Variants in COL5A1 observed in about 807,000 individuals in gnomAD.
The protein encoded by COL5A1 is collagen type V alpha 1 chain.
COL5A1 carries 16 observed loss-of-function variants against 263.7 expected under a neutral mutation model. The ratio of observed to expected loss-of-function variants is 0.06; its 90% CI spans 0.04 to 0.09. The LOEUF is 0.09. Among genes scored for constraint, COL5A1 ranks in the 10% least tolerant of loss-of-function variants. The pLI is 1.00. For synonymous variants in COL5A1, 1,012 were observed against 1,004.5 expected, an observed-to-expected ratio of 1.01 and a Z score of -0.14; for missense variants, 2,036 against 2,540.5, an observed-to-expected ratio of 0.80 and a Z score of 4.27.
intron 62 of COL5A1, among the ~76,000 whole-genome samples, chr9:134,825,230 C>T (rs1182632742): frequency 6.6e-6 from 1 of 152,172 alleles, no homozygotes; most frequent in Non-Finnish European, 1.5e-5. Flanking sequence ...GGCACAGTGC[C>T]AGTGGAAGTA....
chr9:134,668,438 G>A (rs1210485506), intron 1 of COL5A1, among the ~76,000 whole-genome samples: 1 of 151,700 alleles, frequency 6.6e-6, no homozygotes, highest in African/African-American at 2.4e-5. Context: ...GAGGCATTTA[G>A]CTTGGCTATC....
At chr9:134,687,450 TC>T (rs200983293) in intron 1 of COL5A1, among the ~76,000 whole-genome samples, 6 of 149,670 alleles carry the variant, frequency 4.0e-5, no homozygotes, top group Admixed American at 1.3e-4. Context: ...CATCCATCCA[TC>T]CATCCATCAT....
chr9:134,775,515 T>TA (rs1255543029), intron 27 of COL5A1, among the ~76,000 whole-genome samples: 1 of 152,228 alleles, frequency 6.6e-6, no homozygotes, highest in African/African-American at 2.4e-5. Context: ...TCCAGAGCAA[T>TA]ATCCCAGACA....
Position 134,760,343 on chromosome 9 carries a change from C to G in COL5A1, c.1936-1582C>G, listed in dbSNP as rs12682742. On this transcript the variant is annotated intron_variant, in intron 18 of 65. Coordinates refer to ENST00000371817, the MANE Select transcript of COL5A1 (RefSeq NM_000093.5). ...GCACACACCACACATGCACACACAC[C>G]CCCACACACCCCCACACATACACAC... 3.6e-3 allele frequency among the ~76,000 whole-genome samples: 238 copies of G among 65,956 alleles called. 6 individuals carry two copies. Among genetic ancestry groups the G allele is most frequent in the East Asian group, 0.014 (20 of 1,480 alleles). The allele number at this position is 65,956 out of a possible 152,430, so 43.3% of individuals were successfully genotyped here. A position where few individuals can be genotyped will look rare whatever the true frequency, so the allele number is the denominator to read the frequency against.
At chr9:134,805,427 A>G (rs1028809099) in intron 41 of COL5A1, among the ~76,000 whole-genome samples, 2 of 152,044 alleles carry the variant, frequency 1.3e-5, no homozygotes, top group Non-Finnish European at 1.5e-5. Context: ...CACACCGAGG[A>G]AAGGAGAGTG....
In COL5A1 at chr9:134,710,945, GA is replaced by G. The variant is rs1834020357; in HGVS notation, c.654+9613del. Among the ~76,000 whole-genome samples, 2 of 145,144 alleles carry G rather than the reference GA, an allele frequency of 1.4e-5. 1 individual carries two copies. The highest frequency in any genetic ancestry group is 4.6e-4 in the South Asian group (2 of 4,380). On this transcript the variant is annotated intron_variant, in intron 4 of 65. Transcript: ENST00000371817. ...CCGTCTGTTGGGTGCAGTGGTGGGG[GA>G]GGGGCCCCGTCTGTTGGGTGCAGTG...
rs535058448 is a variant in COL5A1 at position 134,724,737 on chromosome 9, C to T, written c.655-2529C>T. Among the ~76,000 whole-genome samples, 41 of 152,276 alleles carry T rather than the reference C, an allele frequency of 2.7e-4. 1 individual carries two copies. The South Asian group carries it at 6.6e-3, about 25-fold the overall frequency. On this transcript the variant is annotated intron_variant, in intron 4 of 65. Coordinates refer to ENST00000371817, the MANE Select transcript of COL5A1 (RefSeq NM_000093.5). Reference sequence around the variant, plus strand: ...CAGCGCAAAGCCACGTCACAGCCACCGCGGCTGCAGGCCAGAGTCTTCAAG... The same window carrying T: ...CAGCGCAAAGCCACGTCACAGCCACTGCGGCTGCAGGCCAGAGTCTTCAAG...
At chr9:134,732,692 TATG>T (rs201420232) in intron 9 of COL5A1, 3,975 of 190,298 alleles carry the variant, frequency 0.021, 55 homozygotes, top group Non-Finnish European at 0.032. Flanking sequence ...AAAACCCAAC[TATG>T]TTAGGTAATG....
intron 19 of COL5A1, 118 bp downstream of exon 19, chr9:134,762,096 C>A: frequency 9.8e-7 from 1 of 1,022,320 alleles, no homozygotes; most frequent in Non-Finnish European, 1.5e-6. Context: ...TGTGGAGGGC[C>A]AGCTGGGAGA....
chr9:134,658,788 G>T (rs918782501), intron 1 of COL5A1, among the ~76,000 whole-genome samples: 1 of 152,340 alleles, frequency 6.6e-6, no homozygotes, highest in South Asian at 2.1e-4. Context: ...GGAGGGGAGG[G>T]GCTGCTGGGC....
intron 4 of COL5A1, among the ~76,000 whole-genome samples, chr9:134,703,167 G>A (rs1833729349): frequency 1.3e-5 from 2 of 152,354 alleles, no homozygotes; most frequent in Non-Finnish European, 2.9e-5. Context: ...TTTCCAGGAA[G>A]CTGTAGCCTG....
intron 19 of COL5A1, 51 bp from the exon 20 acceptor site, chr9:134,763,642 G>A (rs964070338): frequency 2.5e-6 from 4 of 1,575,050 alleles, no homozygotes; most frequent in African/African-American, 2.7e-5. Flanking sequence ...GGAAGCTGGT[G>A]TCCAGGCTAA....
rs926184165 is a variant in COL5A1 at position 134,716,211 on chromosome 9, T to C, written c.655-11055T>C. Among the ~76,000 whole-genome samples the C allele has an allele frequency of 1.3e-5, 2 of 152,140 alleles. No individual in the cohort carries two copies. The highest frequency in any genetic ancestry group is 4.8e-5 in the African/African-American group (2 of 41,410). Reference sequence around the variant, plus strand: ...CTCTATGAGGTAGATCTTATTATCCTCTTTTATCAACAGATGGAGGCCTGG... The same window carrying C: ...CTCTATGAGGTAGATCTTATTATCCCCTTTTATCAACAGATGGAGGCCTGG... On this transcript the variant is annotated intron_variant, in intron 4 of 65. Transcript: ENST00000371817. The surrounding 1 kb of genome is among the most constrained non-coding windows in gnomAD (Gnocchi z 4.5).
chr9:134,721,816 C>G (rs886425871), intron 4 of COL5A1, among the ~76,000 whole-genome samples: 6 of 152,240 alleles, frequency 3.9e-5, no homozygotes, highest in Non-Finnish European at 5.9e-5. Flanking sequence ...CTCACTACGG[C>G]CCCATCTGCC....
chr9:134,768,501 C>T (rs1438480207), intron 25 of COL5A1, 38 bp downstream of exon 25: 1 of 1,595,624 alleles, frequency 6.3e-7, no homozygotes. Context: ...CCATACTCTC[C>T]CCACCTCCAC....
rs907693775 is a variant in COL5A1 at position 134,680,112 on chromosome 9, T to C, written c.110-10800T>C. On this transcript the variant is annotated intron_variant, in intron 1 of 65. Coordinates refer to ENST00000371817, the MANE Select transcript of COL5A1 (RefSeq NM_000093.5). The surrounding 1 kb of genome is among the most constrained non-coding windows in gnomAD (Gnocchi z 5.9). ...TGACACTGTCATCTTCAGGAAGGAC[T>C]ACCCCGGAGGCCCTTTGGACGGGCC... Among the ~76,000 whole-genome samples, 4 of 152,088 alleles carry C rather than the reference T, an allele frequency of 2.6e-5. No individual in the cohort carries two copies. The highest frequency in any genetic ancestry group is 9.7e-5 in the African/African-American group (4 of 41,412).
intron 49 of COL5A1, among the ~76,000 whole-genome samples, chr9:134,814,497 A>G (rs780109099): frequency 6.6e-6 from 1 of 152,038 alleles, no homozygotes; most frequent in Non-Finnish European, 1.5e-5. Context: ...GTCTGTGGGC[A>G]CCCCTTGTGG....
At chr9:134,694,976 T>A (rs1444166423) in intron 2 of COL5A1, among the ~76,000 whole-genome samples, 1 of 152,054 alleles carries the variant, frequency 6.6e-6, no homozygotes, top group Non-Finnish European at 1.5e-5. Flanking sequence ...CACTGCTTGT[T>A]TGTAATGACC....
At chr9:134,820,288 AC>A in intron 58 of COL5A1, 65 bp downstream of exon 58, 1 of 1,299,354 alleles carries the variant, frequency 7.7e-7, no homozygotes, top group Non-Finnish European at 1.1e-6. Flanking sequence ...TGGGGCAGGC[AC>A]CCAGGGGACA....
Sources: gnomAD v4.1 joint callset for allele counts (sites outside exome capture counted in the v4.1 genomes callset) on GRCh38, gnomAD v4.1.1 for gene constraint, Gnocchi (gnomAD v3.1) non-coding constraint, MANE v1.5 for transcripts, NCBI Gene and HGNC (gene_info 2026-07-23, HGNC 2026-07-21) for gene names.